USP40: variants seen among roughly 807,000 people sequenced by gnomAD.
USP40 encodes ubiquitin carboxyl-terminal hydrolase 40.
In USP40, 143 loss-of-function variants were observed where a neutral mutation model predicts 166.2. The ratio of observed to expected loss-of-function variants is 0.86; its 90% CI spans 0.75 to 0.99. USP40 has a LOEUF of 0.99. Among genes scored for constraint, USP40 ranks in the 50% least tolerant of loss-of-function variants. USP40 has a pLI of 0.00. For missense variants in USP40, 1,444 were observed against 1,479.7 expected, an observed-to-expected ratio of 0.98 and a Z score of 0.40; for synonymous variants, 498 against 524.0, an observed-to-expected ratio of 0.95 and a Z score of 0.68.
Position 233,565,439 on chromosome 2 carries a change from T to C in USP40, c.116A>G (p.Asn39Ser), listed in dbSNP as rs894027205. 1.6e-5 allele frequency: 24 copies of C among 1,537,178 alleles called. No individual in the cohort carries two copies. The highest frequency in any genetic ancestry group is 2.1e-5 in the Non-Finnish European group (24 of 1,146,888). ...ACCCTGATTTCTGATTCCGCTTAAA[T>C]TGGTGAATTCTCTAGGAGCAGGTGG... is the stretch of plus-strand genomic sequence containing the variant. ...LEPPAPREFT[N>S]LSGIRNQGGT... The change falls in exon 2 of 32, where the codon AAT becomes AGT. Residue 39 changes from asparagine to serine, a missense_variant. Transcript: ENST00000678225.
intron 26 of USP40, 86 bp from the exon 27 acceptor site, chr2:233,489,569 A>C: frequency 9.7e-7 from 1 of 1,029,094 alleles, no homozygotes; most frequent in Non-Finnish European, 1.4e-6. Context: ...ATGAAGCACT[A>C]CACAGTGGCA....
rs990108883 is a variant in USP40 at position 233,499,991 on chromosome 2, C to T, written c.2614-76G>A. On this transcript the variant is annotated intron_variant, in intron 21 of 31. Transcript: ENST00000678225. ...TTCTAGGACAAACACCCTTTTTGGA[C>T]CCTAGGCCTATTTAAGTCTGACTAT... The T allele has an allele frequency of 4.0e-6, 5 of 1,261,480 alleles. No homozygotes were observed. In the African/African-American group the frequency reaches 4.5e-5, roughly 11 times the overall value. The allele number at this position is 1,261,480 out of a possible 1,614,324, so 78.1% of individuals were successfully genotyped here. A position where few individuals can be genotyped will look rare whatever the true frequency, so the allele number is the denominator to read the frequency against.
In USP40 at chr2:233,498,663, G is replaced by A. The variant is rs79093430; in HGVS notation, c.2651-51C>T. On this transcript the variant is annotated intron_variant, in intron 22 of 31. Coordinates refer to ENST00000678225, the MANE Select transcript of USP40 (RefSeq NM_001365479.2). ...AAAAAAATTCAAAGTTAGGTGAGAC[G>A]TTGCGTGTAACTTCTAGAAGAATGT... 2.5e-3 allele frequency: 3,713 copies of A among 1,481,220 alleles called. 54 individuals are homozygous for A. The African/African-American group carries it at 0.035, about 14-fold the overall frequency. The allele number at this position is 1,481,220 out of a possible 1,614,324, so 91.8% of individuals were successfully genotyped here.
intron 11 of USP40, among the ~76,000 whole-genome samples, chr2:233,532,097 G>A (rs2068579447): frequency 6.6e-6 from 1 of 152,184 alleles, no homozygotes; most frequent in Non-Finnish European, 1.5e-5. Context: ...GTCTTCGTTT[G>A]CAACTCTGTA....
At position 233,547,395 on chromosome 2, in the gene USP40, T is replaced by C. The variant is rs148910750; in HGVS notation, c.966+1706A>G. Among the ~76,000 whole-genome samples the C allele has an allele frequency of 8.3e-3, 1,259 of 152,266 alleles. 6 individuals are homozygous for C. Among genetic ancestry groups the C allele is most frequent in the African/African-American group, 0.023 (951 of 41,546 alleles). On this transcript the variant is annotated intron_variant, in intron 8 of 31. Coordinates refer to ENST00000678225, the MANE Select transcript of USP40 (RefSeq NM_001365479.2). ...CTCAATACGTTCCAAATACAACTGA[T>C]AGAATGTCAGAAATACAGACGAACA...
intron 23 of USP40, 78 bp downstream of exon 23, chr2:233,498,470 G>A: frequency 7.9e-7 from 1 of 1,268,556 alleles, no homozygotes; most frequent in Non-Finnish European, 1.1e-6. Flanking sequence ...GCTTTCTCAT[G>A]AGTGGAATGG....
In USP40 at chr2:233,496,817, CT is replaced by C; in HGVS notation, c.2730del (p.Glu911AsnfsTer3). On this transcript the variant is annotated frameshift_variant, in exon 24 of 32. Transcript: ENST00000678225. LOFTEE classifies it high-confidence loss of function. ...GTATCTCCAGAACATATCAGAAGTT[CT>C]TTCAGTGTTGCATCCTGGGAAGACA... ...EPLCEEDATL[K>X]ELLICSGDTL... 1 of 1,612,244 alleles carries C rather than the reference CT, an allele frequency of 6.2e-7. No individual in the cohort carries two copies. The highest frequency in any genetic ancestry group is 2.2e-5 in the East Asian group (1 of 44,738).
chr2:233,561,236 C>A, intron 3 of USP40: 1 of 1,540,854 alleles, frequency 6.5e-7, no homozygotes, highest in Non-Finnish European at 8.8e-7. Flanking sequence ...TCATATGGAA[C>A]CAAAAAAGAG....
At chr2:233,540,115 C>T (rs116526470) in intron 10 of USP40, among the ~76,000 whole-genome samples, 1,838 of 144,394 alleles carry the variant, frequency 0.013, 55 homozygotes, top group African/African-American at 0.043. Context: ...ACAGAGTGGA[C>T]CTCAACTCAA....
intron 23 of USP40, among the ~76,000 whole-genome samples, chr2:233,497,202 G>T (rs1362145704): frequency 6.6e-6 from 1 of 152,216 alleles, no homozygotes; most frequent in Non-Finnish European, 1.5e-5. Flanking sequence ...AGTTAAGGTT[G>T]ATAGTAAATA....
intron 31 of USP40, among the ~76,000 whole-genome samples, chr2:233,479,072 G>C (rs1374599147): frequency 6.6e-6 from 1 of 152,254 alleles, no homozygotes; most frequent in Admixed American, 6.5e-5. Flanking sequence ...AACAGCACGT[G>C]TGAGGCTTAA....
chr2:233,549,046 A>C, intron 8 of USP40, 55 bp downstream of exon 8: 3 of 1,505,346 alleles, frequency 2.0e-6, no homozygotes, highest in Non-Finnish European at 2.7e-6. Flanking sequence ...TCAACAAAAT[A>C]ATAGGAATAG....
At chr2:233,528,033 C>T (rs1342089553) in intron 12 of USP40, among the ~76,000 whole-genome samples, 1 of 149,782 alleles carries the variant, frequency 6.7e-6, no homozygotes, top group African/African-American at 2.5e-5. Flanking sequence ...GGCTGGAGTG[C>T]AGTGCTGCGA....
intron 11 of USP40, among the ~76,000 whole-genome samples, chr2:233,530,205 G>GACACACACACAC (rs71058561): frequency 0.032 from 4,835 of 149,338 alleles, 215 homozygotes; most frequent in African/African-American, 0.11. Context: ...TCACTCCCAA[G>GACACACACACAC]ACACACACAC....
rs769643718 is a variant in USP40 at position 233,549,147 on chromosome 2, T to C, written c.920A>G (p.His307Arg). 1.7e-5 allele frequency: 27 copies of C among 1,602,194 alleles called. No individual in the cohort carries two copies. Among genetic ancestry groups the C allele is most frequent in the Middle Eastern group, 1.7e-4 (1 of 6,040 alleles). ...ATGATCAACATCTTTAATATATACA[T>C]GGTAATGGCCTCCGTAGCAGCCACC... ...HKGGCYGGHY[H>R]VYIKDVDHLG... is the part of the protein sequence containing the mutation. Residue 307 changes from histidine (H) to arginine (R), a missense_variant, in exon 8 of 32, where the codon CAT (histidine) becomes CGT (arginine). Physicochemically the swap from His to Arg is conservative, Grantham distance 29. Transcript: ENST00000678225.
chr2:233,540,550 G>A, intron 10 of USP40, 112 bp downstream of exon 10: 1 of 640,936 alleles, frequency 1.6e-6, no homozygotes. Flanking sequence ...TACAAATACG[G>A]TGATTTTATT....
Position 233,523,331 on chromosome 2 carries a change from G to T in USP40, c.2040C>A (p.Ala680=), listed in dbSNP as rs769730299. The T allele has an allele frequency of 1.9e-6, 3 of 1,614,046 alleles. No individual in the cohort carries two copies. The highest frequency in any genetic ancestry group is 1.7e-6 in the Non-Finnish European group (2 of 1,179,888). Residue 680 remains alanine, a synonymous_variant, in exon 16 of 32, where the codon GCC becomes GCA. Transcript: ENST00000678225. Reference sequence around the variant, plus strand: ...AGATGACACCTGCTGGGATTGCTAAGGCTGTGAGGACAGTGCCCACTTCTG... The same window carrying T: ...AGATGACACCTGCTGGGATTGCTAATGCTGTGAGGACAGTGCCCACTTCTG... ...ANAEVGTVLT[A]LAIPAGVIFI...
Position 233,486,513 on chromosome 2 carries a change from G to C in USP40, c.3198-536C>G, listed in dbSNP as rs2276566. On this transcript the variant is annotated intron_variant, in intron 28 of 31. Coordinates refer to ENST00000678225, the MANE Select transcript of USP40 (RefSeq NM_001365479.2). The surrounding 1 kb of genome is among the most constrained non-coding windows in gnomAD (Gnocchi z 4.0). ...ATGGGAAACCTTAGCAGGAGGAGCA[G>C]AAAGAACAACACTCAGCAAGGCAGG... Among the ~76,000 whole-genome samples, 12,402 of 152,192 alleles carry C rather than the reference G, an allele frequency of 0.081. 733 individuals carry two copies. Among genetic ancestry groups the C allele is most frequent in the South Asian group, 0.26 (1,266 of 4,806 alleles).
At chr2:233,522,453 T>C (rs1392295092) in intron 16 of USP40, among the ~76,000 whole-genome samples, 1 of 152,248 alleles carries the variant, frequency 6.6e-6, no homozygotes, top group Non-Finnish European at 1.5e-5. Context: ...ACAAGTGCTC[T>C]GCTTCTCTGC....
Sources: allele counts gnomAD v4.1 joint callset (sites outside exome capture counted in the v4.1 genomes callset), GRCh38; gene constraint gnomAD v4.1.1; non-coding constraint Gnocchi (gnomAD v3.1); transcripts MANE v1.5; gene names NCBI Gene and HGNC (gene_info 2026-07-23, HGNC 2026-07-21).